The following RNU5E-1 variants were observed in gnomAD, a reference collection of about 807,000 sequenced individuals.
The protein encoded by RNU5E-1 is RNA, U5E small nuclear.
downstream of RNU5E-1, chr1:11,908,271 TTATTTTAAG>T (rs368505730): frequency 5.4e-4 from 82 of 152,322 alleles, no homozygotes; most frequent in African/African-American, 1.5e-3. Flanking sequence ...TTAGCAGGGC[TTATTTTAAG>T]TGTTTTAAAA....
At chr1:11,908,204 T>A (rs1040221034) in exon 1 of RNU5E-1, 2 of 152,202 alleles carry the variant, frequency 1.3e-5, no homozygotes, top group South Asian at 2.1e-4. Context: ...TACTAAAGAT[T>A]TCCGTGGAGA....
At chr1:11,908,163 T>G (rs759355764) in exon 1 of RNU5E-1, 4 of 152,326 alleles carry the variant, frequency 2.6e-5, no homozygotes, top group African/African-American at 9.6e-5. Flanking sequence ...TACTCTGGTT[T>G]CTCTTCAAAT....
At chr1:11,908,231 T>G (rs541552093) in exon 1 of RNU5E-1, 2 of 149,356 alleles carry the variant, frequency 1.3e-5, no homozygotes, top group Non-Finnish European at 3.0e-5. Flanking sequence ...AGTGTGAGTC[T>G]GAAACCAATT....
chr1:11,908,265 C>CT (rs933661901), exon 1 of RNU5E-1: 1 of 151,988 alleles, frequency 6.6e-6, no homozygotes, highest in Non-Finnish European at 1.5e-5. Flanking sequence ...CGTTTCTTAG[C>CT]AGGGCTTATT....
exon 1 of RNU5E-1, chr1:11,908,234 A>G (rs892672974): frequency 3.0e-4 from 45 of 147,688 alleles, no homozygotes; most frequent in African/African-American, 9.2e-4. Flanking sequence ...GTGAGTCTGA[A>G]ACCAATTTTT....
chr1:11,908,176 T>G (rs534810126), exon 1 of RNU5E-1: 2 of 152,188 alleles, frequency 1.3e-5, no homozygotes, highest in African/African-American at 2.4e-5. Flanking sequence ...CTTCAAATCG[T>G]ATAAATCTTT....
chr1:11,908,232 G>GT (rs945753372), exon 1 of RNU5E-1: 25 of 148,760 alleles, frequency 1.7e-4, no homozygotes, highest in African/African-American at 4.6e-4. Context: ...GTGTGAGTCT[G>GT]AAACCAATTT....
exon 1 of RNU5E-1, chr1:11,908,172 A>C (rs112610504): frequency 2.0e-5 from 3 of 152,114 alleles, no homozygotes; most frequent in African/African-American, 2.4e-5. Context: ...TTCTCTTCAA[A>C]TCGTATAAAT....
chr1:11,908,181 A>T (rs556422980), exon 1 of RNU5E-1: 2 of 152,158 alleles, frequency 1.3e-5, no homozygotes, highest in Non-Finnish European at 2.9e-5. Flanking sequence ...AATCGTATAA[A>T]TCTTTCGCCT....
exon 1 of RNU5E-1, chr1:11,908,245 T>TG (rs1645395021): frequency 7.2e-6 from 1 of 138,930 alleles, no homozygotes; most frequent in Non-Finnish European, 1.6e-5. Flanking sequence ...ACCAATTTTT[T>TG]GAGGCCTTGC....
chr1:11,908,158 T>G (rs572449392), exon 1 of RNU5E-1: 10 of 152,194 alleles, frequency 6.6e-5, no homozygotes, highest in African/African-American at 2.2e-4. Context: ...TGTTATACTC[T>G]GGTTTCTCTT....
At chr1:11,908,175 G>T (rs138224242) in exon 1 of RNU5E-1, 3 of 152,210 alleles carry the variant, frequency 2.0e-5, no homozygotes, top group Non-Finnish European at 2.9e-5. Context: ...TCTTCAAATC[G>T]TATAAATCTT....
exon 1 of RNU5E-1, chr1:11,908,169 C>A (rs186581960): frequency 1.3e-5 from 2 of 152,260 alleles, no homozygotes; most frequent in East Asian, 1.9e-4. Flanking sequence ...GGTTTCTCTT[C>A]AAATCGTATA....
exon 1 of RNU5E-1, chr1:11,908,188 G>A (rs1005788854): frequency 2.0e-5 from 3 of 152,070 alleles, no homozygotes; most frequent in Non-Finnish European, 4.4e-5. Context: ...TAAATCTTTC[G>A]CCTTTTACTA....
At chr1:11,908,188 G>C (rs1005788854) in exon 1 of RNU5E-1, 1 of 152,070 alleles carries the variant, frequency 6.6e-6, no homozygotes, top group Non-Finnish European at 1.5e-5. Flanking sequence ...TAAATCTTTC[G>C]CCTTTTACTA....
At chr1:11,908,195 A>T (rs543932936) in exon 1 of RNU5E-1, 1 of 152,326 alleles carries the variant, frequency 6.6e-6, no homozygotes, top group Non-Finnish European at 1.5e-5. Flanking sequence ...TTCGCCTTTT[A>T]CTAAAGATTT....
At chr1:11,908,208 G>C (rs77857659) in exon 1 of RNU5E-1, 3 of 152,128 alleles carry the variant, frequency 2.0e-5, no homozygotes, top group Admixed American at 6.5e-5. Context: ...AAAGATTTCC[G>C]TGGAGAGAAA....
exon 1 of RNU5E-1, chr1:11,908,226 G>T (rs552533347): frequency 6.6e-6 from 1 of 151,552 alleles, no homozygotes; most frequent in African/African-American, 2.4e-5. Context: ...AAACGAGTGT[G>T]AGTCTGAAAC....
chr1:11,908,227 A>T (rs1482385791), exon 1 of RNU5E-1: 1 of 151,376 alleles, frequency 6.6e-6, no homozygotes, highest in Non-Finnish European at 1.5e-5. Context: ...AACGAGTGTG[A>T]GTCTGAAACC....
Sources: gnomAD v4.1 joint callset for allele counts on GRCh38, gnomAD v4.1.1 for gene constraint, MANE v1.5 for transcripts, NCBI Gene and HGNC (gene_info 2026-07-23, HGNC 2026-07-21) for gene names.